Variants in CERS6 observed in about 807,000 individuals in gnomAD.
CERS6 encodes LAG1 homolog, ceramide synthase 6.
Under a neutral mutation model 56.8 loss-of-function variants are expected in CERS6, and 26 were observed. The observed-to-expected ratio is 0.46, with a 90% CI of 0.34 to 0.63. CERS6 has a LOEUF of 0.63. Among genes scored for constraint, CERS6 ranks in the 30% least tolerant of loss-of-function variants. The pLI is 0.01. For missense variants in CERS6, 415 were observed against 467.5 expected (o/e 0.89, Z 1.04); for synonymous variants, 164 against 173.3 (o/e 0.95, Z 0.42).
At chr2:168,549,884 G>A (rs774250878) in intron 2 of CERS6, among the ~76,000 whole-genome samples, 2 of 152,120 alleles carry the variant, frequency 1.3e-5, no homozygotes, top group African/African-American at 2.4e-5. Flanking sequence ...GGGAGAGCTT[G>A]AACAAAGTGT....
At chr2:168,569,340 G>A (rs752018712) in intron 3 of CERS6, among the ~76,000 whole-genome samples, 2 of 152,182 alleles carry the variant, frequency 1.3e-5, no homozygotes, top group African/African-American at 2.4e-5. Flanking sequence ...GGGCTTCAAC[G>A]TATGTGTTCT....
At chr2:168,665,174 A>G (rs1473832696) in intron 4 of CERS6, among the ~76,000 whole-genome samples, 2 of 152,164 alleles carry the variant, frequency 1.3e-5, no homozygotes, top group Non-Finnish European at 2.9e-5. Context: ...GTAAATGAAA[A>G]GATGGTTTTT....
At position 168,547,598 on chromosome 2, in the gene CERS6, T is replaced by G; in HGVS notation, c.173T>G (p.Phe58Cys). 1.9e-6 allele frequency: 3 copies of G among 1,611,172 alleles called. No homozygotes were observed. Among genetic ancestry groups the G allele is most frequent in the South Asian group, 2.2e-5 (2 of 90,998 alleles). ...TTTTTTCTTTTTGTAATTTTTAGAT[T>G]TGTAGCCAAACCGTGCGCCATAGCC... ...IFMVRLIFERFVAKPCAIALN... is the reference protein window; with the variant it reads ...IFMVRLIFERCVAKPCAIALN... The change falls in exon 2 of 10, where the codon TTT becomes TGT. Residue 58 changes from phenylalanine (F) to cysteine (C), a missense_variant and splice_region_variant. Coordinates refer to ENST00000305747, the MANE Select transcript of CERS6 (RefSeq NM_203463.3).
At chr2:168,536,056 C>A (rs967590370) in intron 1 of CERS6, among the ~76,000 whole-genome samples, 2 of 152,038 alleles carry the variant, frequency 1.3e-5, no homozygotes, top group Admixed American at 1.3e-4. Context: ...ATCTTCAAAA[C>A]TTTATGGTTA....
At chr2:168,698,660 C>G (rs563486237) in intron 6 of CERS6, among the ~76,000 whole-genome samples, 1 of 152,272 alleles carries the variant, frequency 6.6e-6, no homozygotes, top group African/African-American at 2.4e-5. Flanking sequence ...CAGATCCAAA[C>G]CATATCAATT....
intron 4 of CERS6, among the ~76,000 whole-genome samples, chr2:168,690,347 G>A (rs1201450050): frequency 6.6e-6 from 1 of 152,008 alleles, no homozygotes; most frequent in Non-Finnish European, 1.5e-5. Context: ...TGGATAATTC[G>A]GCTGTCTGCT....
rs530542029 is a variant in CERS6, at chr2:168,657,097, G to A, written c.465+26055G>A. Among the ~76,000 whole-genome samples the A allele has an allele frequency of 4.0e-5, 6 of 151,488 alleles. No individual in the cohort carries two copies. The East Asian group carries it at 9.7e-4, about 25-fold the overall frequency. On this transcript the variant is annotated intron_variant, in intron 4 of 9. Coordinates refer to ENST00000305747, the MANE Select transcript of CERS6 (RefSeq NM_203463.3). The stretch of plus-strand genomic sequence containing the variant: ...TTACAATCCTTGAGCTAGACATAAA[G>A]GTTCTCCACGTCCTCACCAGAGCAG...
At chr2:168,607,673 CCA>C (rs1684085809) in intron 3 of CERS6, among the ~76,000 whole-genome samples, 1 of 152,204 alleles carries the variant, frequency 6.6e-6, no homozygotes, top group Non-Finnish European at 1.5e-5. Flanking sequence ...AGCCACTGTG[CCA>C]GGCCAAAACT....
chr2:168,600,190 TTC>T (rs10651781), intron 3 of CERS6, among the ~76,000 whole-genome samples: 156 of 138,050 alleles, frequency 1.1e-3, no homozygotes, highest in Non-Finnish European at 1.8e-3. Context: ...ACTACCATAT[TTC>T]TCTCTCTCTC....
chr2:168,713,682 T>C (rs546356925), intron 6 of CERS6, among the ~76,000 whole-genome samples: 3 of 152,320 alleles, frequency 2.0e-5, no homozygotes, highest in African/African-American at 7.2e-5. Flanking sequence ...TATGGACAGA[T>C]AATGATTAAA....
chr2:168,494,107 C>T (rs915814744), intron 1 of CERS6, among the ~76,000 whole-genome samples: 7 of 152,144 alleles, frequency 4.6e-5, no homozygotes, highest in Non-Finnish European at 1.0e-4. Flanking sequence ...TCTTGTCCTT[C>T]ACCCTTGTGT....
chr2:168,604,401 G>A (rs1305606775), intron 3 of CERS6, among the ~76,000 whole-genome samples: 3 of 152,152 alleles, frequency 2.0e-5, no homozygotes, highest in Non-Finnish European at 4.4e-5. Flanking sequence ...GTGTGTGTGT[G>A]TGTGTGTGTA....
intron 8 of CERS6, among the ~76,000 whole-genome samples, chr2:168,731,772 A>G (rs945097635): frequency 1.3e-5 from 2 of 152,186 alleles, no homozygotes; most frequent in Non-Finnish European, 2.9e-5. Flanking sequence ...TGTGTTGTCA[A>G]TTAGGTGCCC....
chr2:168,765,792 G>C lies in CERS6; in HGVS notation c.1002+44G>C, dbSNP rs114643607. On this transcript the variant is annotated intron_variant, in intron 9 of 9. Coordinates refer to ENST00000305747, the MANE Select transcript of CERS6 (RefSeq NM_203463.3). The stretch of plus-strand genomic sequence containing the variant: ...TTTCCAATATGTCTTAAAAAATTTT[G>C]TTTTTGTAATTTCTCTGGATCAACT... 1.2e-3 allele frequency: 1,870 copies of C among 1,559,620 alleles called. 16 individuals carry two copies. The African/African-American group carries it at 0.022, about 19-fold the overall frequency.
chr2:168,524,132 T>C (rs1695030068), intron 1 of CERS6, among the ~76,000 whole-genome samples: 1 of 152,208 alleles, frequency 6.6e-6, no homozygotes, highest in Non-Finnish European at 1.5e-5. Flanking sequence ...CTGACATCTA[T>C]TATTTGTAAC....
At chr2:168,711,572 G>A (rs1005086778) in intron 6 of CERS6, among the ~76,000 whole-genome samples, 30 of 151,568 alleles carry the variant, frequency 2.0e-4, no homozygotes, top group African/African-American at 5.8e-4. Flanking sequence ...CGTCTCAACC[G>A]AAAATACAAA....
rs779471804 is a variant in CERS6 at position 168,488,487 on chromosome 2, GTT to G, written c.170+31870_170+31871del. 3.7e-4 allele frequency among the ~76,000 whole-genome samples: 56 copies of G among 152,080 alleles called. 1 individual carries two copies. Among genetic ancestry groups the G allele is most frequent in the Non-Finnish European group, 7.4e-4 (50 of 67,992 alleles). On this transcript the variant is annotated intron_variant, in intron 1 of 9. Transcript: ENST00000305747. ...ATGGGTTTCTTGTAGGCAGCATATA[GTT>G]GGTTCTTGTAATTTTGAAAAATCTT...
intron 1 of CERS6, among the ~76,000 whole-genome samples, chr2:168,519,156 G>T (rs909196428): frequency 6.6e-6 from 1 of 152,108 alleles, no homozygotes; most frequent in Non-Finnish European, 1.5e-5. Flanking sequence ...CATAAATATG[G>T]GTTAATGTTT....
chr2:168,675,287 A>G (rs908659920), intron 4 of CERS6, among the ~76,000 whole-genome samples: 4 of 151,932 alleles, frequency 2.6e-5, no homozygotes, highest in Non-Finnish European at 1.5e-5. Flanking sequence ...TACCTTATTT[A>G]AAAATAACAA....
Sources: gnomAD v4.1 joint callset for allele counts (sites outside exome capture counted in the v4.1 genomes callset) on GRCh38, gnomAD v4.1.1 for gene constraint, MANE v1.5 for transcripts, NCBI Gene and HGNC (gene_info 2026-07-23, HGNC 2026-07-21) for gene names.